SIL1: variants seen among roughly 807,000 people sequenced by gnomAD.
SIL1 encodes nucleotide exchange factor SIL1.
SIL1 carries 40 observed loss-of-function variants against 49.1 expected under a neutral mutation model. That is an observed-to-expected ratio of 0.81 (90% CI 0.63 to 1.06). The LOEUF is 1.06. SIL1 is among the 50% of genes least tolerant of loss of function. The pLI, the probability that SIL1 is intolerant of heterozygous loss-of-function variation, is 0.00. For synonymous variants in SIL1, 253 were observed against 250.8 expected (o/e 1.01, Z -0.08); for missense variants, 500 against 572.6 (o/e 0.87, Z 1.29).
rs1440566791 is a variant in SIL1 at position 139,116,362 on chromosome 5, CG to C, written c.244+4672del. On this transcript the variant is annotated intron_variant, in intron 3 of 9. Coordinates refer to ENST00000394817, the MANE Select transcript of SIL1 (RefSeq NM_022464.5). ...AACGTGTTCCTGCACAGGCTTCCTG[CG>C]TGCTCACATTGAGTGGGCTCTTTGT... is the stretch of plus-strand genomic sequence containing the variant. Among the ~76,000 whole-genome samples the C allele has an allele frequency of 8.5e-5, 13 of 152,232 alleles. No homozygotes were observed. In the East Asian group the frequency reaches 2.5e-3, roughly 29 times the overall value.
chr5:139,175,563 A>G (rs928863570), intron 1 of SIL1, among the ~76,000 whole-genome samples: 6 of 152,258 alleles, frequency 3.9e-5, no homozygotes, highest in Admixed American at 6.5e-5. Flanking sequence ...ACTAACATCA[A>G]TCCTTCTCAA....
At chr5:139,022,328 G>A (rs1259017918) in intron 6 of SIL1, 1 of 152,206 alleles carries the variant, frequency 6.6e-6, no homozygotes, top group African/African-American at 2.4e-5. Flanking sequence ...AACTAGGAGA[G>A]GACTCTGACA....
At chr5:138,997,515 T>G (rs916042518) in intron 7 of SIL1, among the ~76,000 whole-genome samples, 2 of 152,196 alleles carry the variant, frequency 1.3e-5, no homozygotes, top group Non-Finnish European at 2.9e-5. Context: ...TTTGTTGGTT[T>G]GTTTGTTTTG....
intron 3 of SIL1, among the ~76,000 whole-genome samples, chr5:139,105,545 CT>C (rs1770682295): frequency 6.6e-6 from 1 of 152,176 alleles, no homozygotes; most frequent in Admixed American, 6.5e-5. Flanking sequence ...GAAAGGTGTC[CT>C]GAGGCAGGCC....
chr5:139,172,357 G>A (rs1751788261), intron 1 of SIL1, among the ~76,000 whole-genome samples: 1 of 152,224 alleles, frequency 6.6e-6, no homozygotes, highest in Non-Finnish European at 1.5e-5. Flanking sequence ...CTTAGAGCCA[G>A]GCATGATGGC....
At chr5:139,168,866 G>T (rs1032048718) in intron 1 of SIL1, among the ~76,000 whole-genome samples, 1 of 151,638 alleles carries the variant, frequency 6.6e-6, no homozygotes, top group Non-Finnish European at 1.5e-5. Flanking sequence ...GGAGGCTGAG[G>T]TGGGAGAATC....
chr5:138,952,179 C>T (rs1050364310), intron 7 of SIL1, among the ~76,000 whole-genome samples: 1 of 152,256 alleles, frequency 6.6e-6, no homozygotes, highest in African/African-American at 2.4e-5. Flanking sequence ...ACTGTAAAGA[C>T]ATTTCGATGC....
intron 1 of SIL1, among the ~76,000 whole-genome samples, chr5:139,152,110 C>G (rs115408068): frequency 6.6e-6 from 1 of 152,174 alleles, no homozygotes; most frequent in South Asian, 2.1e-4. Context: ...CCCTGAACAC[C>G]GCAGGCTCGG....
intron 1 of SIL1, among the ~76,000 whole-genome samples, chr5:139,159,013 T>C (rs1751456621): frequency 6.6e-6 from 1 of 151,486 alleles, no homozygotes; most frequent in South Asian, 2.1e-4. Context: ...GAACTAATCA[T>C]GGTAAAGAAT....
intron 1 of SIL1, among the ~76,000 whole-genome samples, chr5:139,131,999 C>T (rs1349615303): frequency 1.3e-5 from 2 of 152,096 alleles, no homozygotes; most frequent in African/African-American, 4.8e-5. Context: ...CAAAGATTAA[C>T]CCAAAGCCAC....
Position 138,948,649 on chromosome 5 carries a change from A to C in SIL1, c.1030-1176T>G, listed in dbSNP as rs888296450. Among the ~76,000 whole-genome samples the C allele has an allele frequency of 4.7e-5, 7 of 150,528 alleles. No individual in the cohort carries two copies. The highest frequency in any genetic ancestry group is 2.1e-4 in the South Asian group (1 of 4,746). On this transcript the variant is annotated intron_variant, in intron 9 of 9. Transcript: ENST00000394817. The surrounding 1 kb of genome is among the most constrained non-coding windows in gnomAD (Gnocchi z 4.8). Reference sequence around the variant, plus strand: ...GTGCACCCCCGCATTGGCCCCATTCACTCCACGGCTCCCTGCACACCTCAC... The same window carrying C: ...GTGCACCCCCGCATTGGCCCCATTCCCTCCACGGCTCCCTGCACACCTCAC...
intron 3 of SIL1, among the ~76,000 whole-genome samples, chr5:139,093,407 G>A (rs1270081550): frequency 6.6e-6 from 1 of 152,146 alleles, no homozygotes; most frequent in Admixed American, 6.5e-5. Context: ...TATTGAACAG[G>A]TGCCGTCCAC....
intron 7 of SIL1, among the ~76,000 whole-genome samples, chr5:138,979,614 C>T (rs1160597211): frequency 6.6e-6 from 1 of 152,148 alleles, no homozygotes; most frequent in East Asian, 1.9e-4. Context: ...AGTGATCCTC[C>T]CACCTCAGCC....
chr5:139,124,199 G>A lies in SIL1; in HGVS notation c.106-3026C>T, dbSNP rs140823235. On this transcript the variant is annotated intron_variant, in intron 2 of 9. Coordinates refer to ENST00000394817, the MANE Select transcript of SIL1 (RefSeq NM_022464.5). ...AAATCCTCCAAAATCCAGGTAGGCT[G>A]ATGTTCATTTTAACTACTAAGGGTT... 2.4e-3 allele frequency among the ~76,000 whole-genome samples: 361 copies of A among 152,314 alleles called. 1 individual carries two copies. The highest frequency in any genetic ancestry group is 8.1e-3 in the African/African-American group (338 of 41,566).
intron 5 of SIL1, among the ~76,000 whole-genome samples, chr5:139,037,588 T>C (rs1768946012): frequency 6.6e-6 from 1 of 152,216 alleles, no homozygotes; most frequent in Non-Finnish European, 1.5e-5. Flanking sequence ...TATCTGTCTT[T>C]AAGTTTACTG....
chr5:139,074,810 TTC>T (rs1224064786), intron 3 of SIL1, among the ~76,000 whole-genome samples: 1 of 139,066 alleles, frequency 7.2e-6, no homozygotes. Context: ...AAGCATCTCT[TTC>T]TCTCTCTGTC....
intron 4 of SIL1, among the ~76,000 whole-genome samples, chr5:139,046,151 A>T (rs544334173): frequency 2.6e-5 from 4 of 152,228 alleles, no homozygotes; most frequent in African/African-American, 9.6e-5. Flanking sequence ...ACATGGTGAA[A>T]CTCCGTCTCT....
At chr5:139,157,619 T>C (rs892442954) in intron 1 of SIL1, among the ~76,000 whole-genome samples, 3 of 152,218 alleles carry the variant, frequency 2.0e-5, no homozygotes, top group Non-Finnish European at 4.4e-5. Context: ...TTTGAACCTA[T>C]TCTGACAAGT....
chr5:139,077,985 C>T (rs956875070), intron 3 of SIL1, among the ~76,000 whole-genome samples: 2 of 152,182 alleles, frequency 1.3e-5, no homozygotes, highest in African/African-American at 4.8e-5. Flanking sequence ...AGAAGGCACC[C>T]ATCCAGAGGG....
Sources: allele counts gnomAD v4.1 joint callset (sites outside exome capture counted in the v4.1 genomes callset), GRCh38; gene constraint gnomAD v4.1.1; non-coding constraint Gnocchi (gnomAD v3.1); transcripts MANE v1.5; gene names NCBI Gene and HGNC (gene_info 2026-07-23, HGNC 2026-07-21).